Variants in STAT6 observed in about 807,000 individuals in gnomAD.
STAT6 encodes the protein STAT, interleukin4-induced.
In STAT6, 45 loss-of-function variants were observed where a neutral mutation model predicts 106.3. The observed-to-expected ratio is 0.42, with a 90% CI of 0.33 to 0.54. The LOEUF is 0.54. Among genes scored for constraint, STAT6 ranks in the 20% least tolerant of loss-of-function variants. The pLI, the probability that STAT6 is intolerant of heterozygous loss-of-function variation, is 0.06. For synonymous variants in STAT6, 413 were observed against 413.6 expected, an observed-to-expected ratio of 1.00 and a Z score of 0.02; for missense variants, 797 against 1,062.2, an observed-to-expected ratio of 0.75 and a Z score of 3.47.
At chr12:57,098,138 AC>A (rs1448578872) in intron 19 of STAT6, among the ~76,000 whole-genome samples, 1 of 152,226 alleles carries the variant, frequency 6.6e-6, no homozygotes. Flanking sequence ...TAAGTGATCC[AC>A]GACTGGACTT....
intron 19 of STAT6, 61 bp downstream of exon 19, chr12:57,098,444 A>C: frequency 6.6e-7 from 1 of 1,518,680 alleles, no homozygotes; most frequent in Non-Finnish European, 9.1e-7. Flanking sequence ...AGCCTCTTCT[A>C]ACAATTCAAA....
intron 12 of STAT6, 115 bp from the exon 13 acceptor site, chr12:57,102,611 C>T (rs1350988337): frequency 3.5e-6 from 4 of 1,151,724 alleles, no homozygotes; most frequent in Non-Finnish European, 4.9e-6. Flanking sequence ...CCTGATATCG[C>T]TCACAAACAT....
At chr12:57,098,057 G>A (rs2033563794) in intron 19 of STAT6, among the ~76,000 whole-genome samples, 1 of 152,090 alleles carries the variant, frequency 6.6e-6, no homozygotes, top group Non-Finnish European at 1.5e-5. Context: ...ATACCATCTA[G>A]GTTTGTGTAA....
In STAT6 at chr12:57,099,690, G is replaced by T. The variant is rs2033689775; in HGVS notation, c.1744+77C>A. 3 of 1,591,084 alleles carry T rather than the reference G, an allele frequency of 1.9e-6. No individual in the cohort carries two copies. The highest frequency in any genetic ancestry group is 2.6e-6 in the Non-Finnish European group (3 of 1,165,236). Reference sequence around the variant, plus strand: ...GAAGATCAGGATCGGCATCAGGAAGGTCAGGACATTTCATTCCCAGAAGAA... The same window carrying T: ...GAAGATCAGGATCGGCATCAGGAAGTTCAGGACATTTCATTCCCAGAAGAA... On this transcript the variant is annotated intron_variant, in intron 15 of 21. Coordinates refer to ENST00000300134, the MANE Select transcript of STAT6 (RefSeq NM_003153.5). This position sits in a 1 kb window ranked among gnomAD's most constrained non-coding sequence, Gnocchi z 4.7.
chr12:57,101,650 C>T lies in STAT6; in HGVS notation c.1512+640G>A, dbSNP rs185346909. On this transcript the variant is annotated intron_variant, in intron 13 of 21. Transcript: ENST00000300134. The stretch of plus-strand genomic sequence containing the variant: ...AAGTGCTGGGATTACAGGCATGAAC[C>T]ACCATGCCTGGCCTTTTTTTTTTTT... Among the ~76,000 whole-genome samples, 669 of 150,130 alleles carry T rather than the reference C, an allele frequency of 4.5e-3. 15 individuals are homozygous for T. The highest frequency in any genetic ancestry group is 0.033 in the East Asian group (166 of 5,088).
Position 57,102,911 on chromosome 12 carries a change from A to C in STAT6, c.1223T>G (p.Leu408Arg). The C allele has an allele frequency of 1.9e-6, 3 of 1,578,968 alleles. No individual in the cohort carries two copies. Among genetic ancestry groups the C allele is most frequent in the Non-Finnish European group, 2.6e-6 (3 of 1,161,238 alleles). Residue 408 changes from leucine to arginine, a missense_variant, in exon 12 of 22, where the codon CTG becomes CGG. By Grantham distance (102) the Leu-to-Arg change is moderately radical. This residue lies in a region of STAT6 where 222 missense variants were observed against 354.6 expected (regional missense o/e 0.63). Coordinates refer to ENST00000300134, the MANE Select transcript of STAT6 (RefSeq NM_003153.5). ...GCCATGGACGATGACCACCAGGGGC[A>C]GAGACAGGGCCTGAAGAGGGTGAGG... ...KLPIQLQALS[L>R]PLVVIVHGNQ... is the part of the protein sequence containing the mutation.
chr12:57,100,688 G>GAGAA (rs2033818729), intron 13 of STAT6, among the ~76,000 whole-genome samples: 2 of 61,846 alleles, frequency 3.2e-5, no homozygotes, highest in African/African-American at 1.5e-4. Flanking sequence ...AAGAAAGAAA[G>GAGAA]AAAGAAAGAA....
At position 57,098,806 on chromosome 12, in the gene STAT6, A is replaced by T; in HGVS notation, c.2052T>A (p.Leu684=). The change falls in exon 18 of 22, where the codon CTT becomes CTA. Residue 684 remains leucine, a synonymous_variant. Transcript: ENST00000300134. ...CAGCTCCTTACACCATATCTGGGCCAAGCTGCATGCTCATGGAGGAATCAG... is the reference window on the plus strand; with the variant it reads ...CAGCTCCTTACACCATATCTGGGCCTAGCTGCATGCTCATGGAGGAATCAG... ...MAPDSSMSMQ[L]GPDMVPQVYP... The T allele has an allele frequency of 1.2e-6, 2 of 1,613,874 alleles. No individual in the cohort carries two copies. The highest frequency in any genetic ancestry group is 1.1e-5 in the South Asian group (1 of 91,070).
chr12:57,106,215 T>A lies in STAT6; in HGVS notation c.656A>T (p.Glu219Val). The A allele has an allele frequency of 1.9e-6, 3 of 1,614,162 alleles. No individual in the cohort carries two copies. Among genetic ancestry groups the A allele is most frequent in the Non-Finnish European group, 2.5e-6 (3 of 1,180,030 alleles). Reference protein sequence around the residue: ...QLAGNGAPFEESLAPLQERCE... With the variant: ...QLAGNGAPFEVSLAPLQERCE... The stretch of plus-strand genomic sequence containing the variant: ...CCTCTCCTGGAGTGGGGCCAGGCTC[T>A]CCTCAAACGGTGCGCCATTCCCTGC... The change falls in exon 7 of 22, where the codon GAG becomes GTG. Residue 219 changes from glutamate (E) to valine (V), a missense_variant. This residue lies in a region of STAT6 where 336 missense variants were observed against 429.8 expected (regional missense o/e 0.78). Coordinates refer to ENST00000300134, the MANE Select transcript of STAT6 (RefSeq NM_003153.5).
intron 18 of STAT6, 68 bp downstream of exon 18, chr12:57,098,724 C>T: frequency 6.4e-7 from 1 of 1,560,272 alleles, no homozygotes; most frequent in Non-Finnish European, 8.8e-7. Flanking sequence ...CCAGCTCTCC[C>T]AGCTGCCCAT....
At position 57,102,344 on chromosome 12, in the gene STAT6, G is replaced by A. The variant is rs1179193380; in HGVS notation, c.1458C>T (p.Ser486=). The change falls in exon 13 of 22, where the codon AGC becomes AGT. Residue 486 remains serine (S), a synonymous_variant. Transcript: ENST00000300134. ...GGTGCTGGAAGGCCTCCATACTGAG[G>A]CTGTTGTCATTGAAGATCTTCTGGG... The part of the protein sequence containing the change: ...FLAQKIFNDN[S]LSMEAFQHRS... 2 of 1,614,040 alleles carry A rather than the reference G, an allele frequency of 1.2e-6. No homozygotes were observed. Among genetic ancestry groups the A allele is most frequent in the Non-Finnish European group, 8.5e-7 (1 of 1,180,036 alleles).
chr12:57,104,187 G>C lies in STAT6; in HGVS notation c.1212+277C>G, dbSNP rs56214329. 1.3e-4 allele frequency: 56 copies of C among 426,378 alleles called. 3 individuals are homozygous for C. The highest frequency in any genetic ancestry group is 1.1e-3 in the African/African-American group (54 of 50,358). 26.4% of individuals were successfully genotyped at this position (426,378 alleles called of 1,614,324 possible). A position where few individuals can be genotyped will look rare whatever the true frequency, so the allele number is the denominator to read the frequency against. On this transcript the variant is annotated intron_variant, in intron 11 of 21. Coordinates refer to ENST00000300134, the MANE Select transcript of STAT6 (RefSeq NM_003153.5). ...CATAATGTTATTGTGAAAACCAGAC[G>C]TGTGTGTGCTGGCACGCATGTGCGT... is the stretch of plus-strand genomic sequence containing the variant.
intron 1 of STAT6, among the ~76,000 whole-genome samples, chr12:57,109,333 T>A (rs537746867): frequency 6.6e-6 from 1 of 152,322 alleles, no homozygotes; most frequent in Non-Finnish European, 1.5e-5. Context: ...ACACTCAGTG[T>A]ATTATCTCCT....
At chr12:57,108,351 A>G (rs1418215490) in intron 1 of STAT6, 52 bp from the exon 2 acceptor site, 22 of 998,002 alleles carry the variant, frequency 2.2e-5, no homozygotes, top group Non-Finnish European at 3.4e-5. Flanking sequence ...AACTTGGCCT[A>G]TCTCCTGGGG....
In STAT6 at chr12:57,106,828, G is replaced by A. The variant is rs898004039; in HGVS notation, c.343C>T (p.Arg115Cys). Residue 115 changes from arginine to cysteine, a missense_variant, in exon 5 of 22, where the codon CGC becomes TGC. Transcript: ENST00000300134. Reference sequence around the variant, plus strand: ...CAGTGGAAAGGCATTGGCAAGTGGCGGAACTACACAGGAAGGACAGATGCC... The same window carrying A: ...CAGTGGAAAGGCATTGGCAAGTGGCAGAACTACACAGGAAGGACAGATGCC... ...GEKKAVMEQF[R>C]HLPMPFHWKQ... is the part of the protein sequence containing the mutation. The A allele has an allele frequency of 6.8e-6, 11 of 1,613,510 alleles. No homozygotes were observed. The highest frequency in any genetic ancestry group is 1.6e-4 in the Middle Eastern group (1 of 6,084).
chr12:57,102,944 T>C, intron 11 of STAT6, 23 bp from the exon 12 acceptor site: 1 of 1,047,500 alleles, frequency 9.5e-7, no homozygotes, highest in Non-Finnish European at 1.3e-6. Context: ...AGGACAGGGG[T>C]TTCTTTTCTT....
At chr12:57,108,658 T>C (rs768169925) in intron 1 of STAT6, among the ~76,000 whole-genome samples, 1 of 152,256 alleles carries the variant, frequency 6.6e-6, no homozygotes, top group Non-Finnish European at 1.5e-5. Context: ...GATCTTCTCA[T>C]CTATAAAATA....
At position 57,099,757 on chromosome 12, in the gene STAT6, G is replaced by C; in HGVS notation, c.1744+10C>G. The C allele has an allele frequency of 6.2e-7, 1 of 1,612,838 alleles. No homozygotes were observed. The highest frequency in any genetic ancestry group is 8.5e-7 in the Non-Finnish European group (1 of 1,179,502). On this transcript the variant is annotated intron_variant, in intron 15 of 21. Transcript: ENST00000300134. The surrounding 1 kb of genome is among the most constrained non-coding windows in gnomAD (Gnocchi z 4.7). ...GCACAGAGACAGAGGACTGGCTGGG[G>C]TGGCCTCACCATCCTGGCCCCGGAT...
In STAT6 at chr12:57,096,406, C is replaced by T; in HGVS notation, c.*166G>A. On this transcript the variant is annotated 3_prime_UTR_variant, in exon 22 of 22. Transcript: ENST00000300134. ...GAAAGGAAGGAGTGGATTGGCTCCACCCACTGTGCATTCTCCTGTTAGTCT... is the reference window on the plus strand; with the variant it reads ...GAAAGGAAGGAGTGGATTGGCTCCATCCACTGTGCATTCTCCTGTTAGTCT... 1 of 661,448 alleles carries T rather than the reference C, an allele frequency of 1.5e-6. No homozygotes were observed. Among genetic ancestry groups the T allele is most frequent in the Non-Finnish European group, 2.6e-6 (1 of 380,350 alleles). The allele number at this position is 661,448 out of a possible 1,614,324, so 41.0% of individuals were successfully genotyped here.
Sources: allele counts gnomAD v4.1 joint callset (sites outside exome capture counted in the v4.1 genomes callset), GRCh38; gene constraint gnomAD v4.1.1; regional missense constraint gnomAD v4.1.1; non-coding constraint Gnocchi (gnomAD v3.1); transcripts MANE v1.5; gene names NCBI Gene and HGNC (gene_info 2026-07-23, HGNC 2026-07-21).